Variants in HIPK3 observed in about 807,000 individuals in gnomAD.
The protein encoded by HIPK3 is homeodomain interacting protein kinase 3, also known as homeodomain-interacting protein kinase 3.
In HIPK3, 47 loss-of-function variants were observed where a neutral mutation model predicts 124.2. The ratio of observed to expected loss-of-function variants is 0.38; its 90% CI spans 0.30 to 0.48. The LOEUF is 0.48. HIPK3 is among the 20% of genes least tolerant of loss of function. The probability of loss-of-function intolerance (pLI) is 0.98; values close to 1 mark genes in which losing one functional copy is unlikely to be tolerated. For missense variants in HIPK3, 1,286 were observed against 1,454.3 expected (o/e 0.88, Z 1.88); for synonymous variants, 482 against 515.2 (o/e 0.94, Z 0.87).
chr11:33,313,821 T>TA (rs1852417155), intron 2 of HIPK3, among the ~76,000 whole-genome samples: 1 of 152,200 alleles, frequency 6.6e-6, no homozygotes, highest in Admixed American at 6.5e-5. Context: ...GTCTTATGGT[T>TA]AAATAATGTG....
At position 33,348,673 on chromosome 11, in the gene HIPK3, A is replaced by C. The variant is rs760486342; in HGVS notation, c.2521A>C (p.Ile841Leu). The C allele has an allele frequency of 6.2e-7, 1 of 1,614,206 alleles. No individual in the cohort carries two copies. Among genetic ancestry groups the C allele is most frequent in the Non-Finnish European group, 8.5e-7 (1 of 1,180,036 alleles). The change falls in exon 13 of 17, where the codon ATC (isoleucine) becomes CTC (leucine). Residue 841 changes from isoleucine (I) to leucine (L), a missense_variant. Ile to Leu is a conservative substitution (Grantham distance 5, BLOSUM62 2). Coordinates refer to ENST00000303296, the MANE Select transcript of HIPK3 (RefSeq NM_005734.5). Reference sequence around the variant, plus strand: ...GGCAAGAAATTGCTGTGAAACATCTATCAGACAGGACTCTGATTCATCAGT... The same window carrying C: ...GGCAAGAAATTGCTGTGAAACATCTCTCAGACAGGACTCTGATTCATCAGT... ...GEARNCCETS[I>L]RQDSDSSVSD...
At chr11:33,327,999 T>C (rs1852860848) in intron 2 of HIPK3, among the ~76,000 whole-genome samples, 1 of 152,220 alleles carries the variant, frequency 6.6e-6, no homozygotes, top group African/African-American at 2.4e-5. Flanking sequence ...CTGAATTTAG[T>C]TTAATCTCTT....
chr11:33,277,452 G>A (rs942804885), intron 1 of HIPK3, among the ~76,000 whole-genome samples: 13 of 152,018 alleles, frequency 8.6e-5, no homozygotes, highest in African/African-American at 3.1e-4. Context: ...TCTTAAAATC[G>A]ATGATGTCTT....
intron 2 of HIPK3, among the ~76,000 whole-genome samples, chr11:33,317,002 G>T: frequency 6.6e-6 from 1 of 151,966 alleles, no homozygotes. Flanking sequence ...TTTTTTTTGA[G>T]ACAGAGCCTT....
chr11:33,297,334 TCCACC>T (rs1851869143), intron 2 of HIPK3, among the ~76,000 whole-genome samples: 2 of 152,182 alleles, frequency 1.3e-5, no homozygotes, highest in Non-Finnish European at 2.9e-5. Flanking sequence ...CCTCAGGGGA[TCCACC>T]CAACTTGGCC....
intron 6 of HIPK3, 89 bp downstream of exon 6, chr11:33,339,623 T>A: frequency 2.1e-6 from 2 of 933,772 alleles, no homozygotes; most frequent in Non-Finnish European, 3.2e-6. Context: ...TTTTCTTCAT[T>A]AAACACAAGT....
In HIPK3 at chr11:33,257,727, A is replaced by C; in HGVS notation, c.-165A>C. 1.0e-6 allele frequency: 1 copy of C among 989,076 alleles called. No individual in the cohort carries two copies. The highest frequency in any genetic ancestry group is 1.2e-6 in the Non-Finnish European group (1 of 832,396). 61.3% of individuals were successfully genotyped at this position (989,076 alleles called of 1,614,324 possible). The stretch of plus-strand genomic sequence containing the variant: ...GTTTCGCCGTTTCCTCTCAGCCGCC[A>C]GGACAAGATGGCAGCGGCCGCGGAG... On this transcript the variant is annotated 5_prime_UTR_variant, in exon 1 of 17. Coordinates refer to ENST00000303296, the MANE Select transcript of HIPK3 (RefSeq NM_005734.5).
At chr11:33,327,878 A>G (rs922276715) in intron 2 of HIPK3, among the ~76,000 whole-genome samples, 1 of 152,144 alleles carries the variant, frequency 6.6e-6, no homozygotes, top group Non-Finnish European at 1.5e-5. Context: ...TAGGAATAAT[A>G]TGTTTCTTGG....
intron 1 of HIPK3, among the ~76,000 whole-genome samples, chr11:33,272,321 C>A (rs955782170): frequency 6.6e-6 from 1 of 151,814 alleles, no homozygotes; most frequent in Admixed American, 6.6e-5. Flanking sequence ...ATCGCTTGAA[C>A]ATGGGTGGTG....
At chr11:33,318,053 G>T (rs930321761) in intron 2 of HIPK3, among the ~76,000 whole-genome samples, 2 of 152,262 alleles carry the variant, frequency 1.3e-5, no homozygotes, top group African/African-American at 4.8e-5. Flanking sequence ...ATTATAGGAA[G>T]AGTTCAGTAA....
chr11:33,353,624 A>C lies in HIPK3; in HGVS notation c.*56A>C. The C allele has an allele frequency of 8.6e-7, 1 of 1,156,210 alleles. No homozygotes were observed. The highest frequency in any genetic ancestry group is 1.3e-6 in the Non-Finnish European group (1 of 785,222). 71.6% of individuals were successfully genotyped at this position (1,156,210 alleles called of 1,614,324 possible). On this transcript the variant is annotated 3_prime_UTR_variant, in exon 17 of 17. Coordinates refer to ENST00000303296, the MANE Select transcript of HIPK3 (RefSeq NM_005734.5). ...CAAACATTTGATTAAAAATAAAAAC[A>C]TGGTATTTAATATTAGCCATGGCAC...
At chr11:33,276,025 T>G (rs1851260548) in intron 1 of HIPK3, among the ~76,000 whole-genome samples, 1 of 152,212 alleles carries the variant, frequency 6.6e-6, no homozygotes, top group Non-Finnish European at 1.5e-5. Flanking sequence ...TCGTTCTTGT[T>G]TTCTGTTTAA....
At chr11:33,324,561 T>C (rs1027174598) in intron 2 of HIPK3, among the ~76,000 whole-genome samples, 5 of 152,194 alleles carry the variant, frequency 3.3e-5, no homozygotes, top group African/African-American at 9.6e-5. Context: ...GAGTCCCCTG[T>C]GTAGAGCAGC....
intron 2 of HIPK3, among the ~76,000 whole-genome samples, chr11:33,313,043 T>G (rs1852396985): frequency 6.6e-6 from 1 of 152,206 alleles, no homozygotes. Flanking sequence ...AGGTTGTACT[T>G]GAAAAATTGA....
intron 8 of HIPK3, among the ~76,000 whole-genome samples, chr11:33,342,513 A>G (rs796428585): frequency 2.2e-4 from 33 of 151,942 alleles, no homozygotes; most frequent in African/African-American, 7.5e-4. Flanking sequence ...GGAATGGGTG[A>G]CAGAATACCT....
In HIPK3 at chr11:33,303,528, A is replaced by G. The variant is rs570110774; in HGVS notation, c.1097+16017A>G. On this transcript the variant is annotated intron_variant, in intron 2 of 16. Coordinates refer to ENST00000303296, the MANE Select transcript of HIPK3 (RefSeq NM_005734.5). Reference sequence around the variant, plus strand: ...GTTATTAGTTTTTTTTCCTTGTGCTATATATGTAGCTTTGTTTTAAAAGTG... The same window carrying G: ...GTTATTAGTTTTTTTTCCTTGTGCTGTATATGTAGCTTTGTTTTAAAAGTG... Among the ~76,000 whole-genome samples the G allele has an allele frequency of 6.6e-4, 100 of 152,292 alleles. 2 individuals carry two copies. The highest frequency in any genetic ancestry group is 1.2e-3 in the Non-Finnish European group (85 of 68,018).
At chr11:33,299,551 G>C (rs1036502027) in intron 2 of HIPK3, among the ~76,000 whole-genome samples, 1 of 152,112 alleles carries the variant, frequency 6.6e-6, no homozygotes, top group Non-Finnish European at 1.5e-5. Context: ...TGAAATGATA[G>C]CAAAGGATTT....
At chr11:33,315,588 T>G (rs1852478343) in intron 2 of HIPK3, among the ~76,000 whole-genome samples, 1 of 152,160 alleles carries the variant, frequency 6.6e-6, no homozygotes, top group Non-Finnish European at 1.5e-5. Context: ...GTCTCGAACT[T>G]CTGCACTCAA....
chr11:33,307,685 C>T (rs992498506), intron 2 of HIPK3, among the ~76,000 whole-genome samples: 6 of 151,514 alleles, frequency 4.0e-5, no homozygotes, highest in South Asian at 2.1e-4. Flanking sequence ...GGATTACAGG[C>T]GTGAACCACC....
Sources: gnomAD v4.1 joint callset for allele counts (sites outside exome capture counted in the v4.1 genomes callset) on GRCh38, gnomAD v4.1.1 for gene constraint, MANE v1.5 for transcripts, NCBI Gene and HGNC (gene_info 2026-07-23, HGNC 2026-07-21) for gene names.